CACNB1: variants seen among roughly 807,000 people sequenced by gnomAD.
CACNB1 encodes the protein calcium voltage-gated channel auxiliary subunit beta 1, also known as voltage-dependent L-type calcium channel subunit beta-1.
A neutral mutation model predicts 71.6 loss-of-function variants in CACNB1; 29 were observed. That is an observed-to-expected ratio of 0.40 (90% CI 0.30 to 0.55). The LOEUF is 0.55. Ranked by LOEUF, CACNB1 falls within the 20% of genes least tolerant of loss-of-function variation. The pLI, the probability that CACNB1 is intolerant of heterozygous loss-of-function variation, is 0.38. For synonymous variants in CACNB1, 300 were observed against 319.6 expected, an observed-to-expected ratio of 0.94 and a Z score of 0.65; for missense variants, 623 against 801.8, an observed-to-expected ratio of 0.78 and a Z score of 2.69.
In CACNB1 at chr17:39,178,009, G is replaced by A. The variant is rs759027947; in HGVS notation, c.1121C>T (p.Ser374Leu). Residue 374 changes from serine (S) to leucine (L), a missense_variant, in exon 12 of 14, where the codon TCG (serine) becomes TTG (leucine). Ser to Leu is a moderately radical substitution (Grantham distance 145). Coordinates refer to ENST00000394303, the MANE Select transcript of CACNB1 (RefSeq NM_000723.5). Reference protein sequence around the residue: ...SKHLNVQIAASEKLAQCPPEM... With the variant: ...SKHLNVQIAALEKLAQCPPEM... The stretch of plus-strand genomic sequence containing the variant: ...AGGGGGGCACTGTGCCAGCTTTTCC[G>A]AGGCCGCTATTTGGACATTGAGGTG... 9.3e-6 allele frequency: 15 copies of A among 1,613,902 alleles called. No individual in the cohort carries two copies. The highest frequency in any genetic ancestry group is 8.3e-5 in the Admixed American group (5 of 59,990).
intron 2 of CACNB1, chr17:39,193,307 C>T (rs916717752): frequency 1.2e-5 from 4 of 330,040 alleles, no homozygotes; most frequent in Non-Finnish European, 2.4e-5. Context: ...CATGTACGCG[C>T]ATACACACGC....
At chr17:39,177,221 G>A (rs1461314202) in intron 13 of CACNB1, 129 bp downstream of exon 13, 2 of 1,554,474 alleles carry the variant, frequency 1.3e-6, no homozygotes, top group Non-Finnish European at 8.7e-7. Flanking sequence ...CCCAGAGCAG[G>A]AGGGAAGACG....
At chr17:39,187,281 C>T in intron 4 of CACNB1, 198 bp downstream of exon 4, 2 of 667,350 alleles carry the variant, frequency 3.0e-6, no homozygotes, top group Non-Finnish European at 5.0e-6. Flanking sequence ...CAAACCCTCC[C>T]AACAACCTTC....
chr17:39,185,195 G>A (rs371768676), intron 6 of CACNB1, 45 bp from the exon 7 acceptor site: 3 of 1,513,642 alleles, frequency 2.0e-6, no homozygotes, highest in Non-Finnish European at 2.8e-6. Context: ...AGGAGAGAGG[G>A]AAGGGGACCC....
In CACNB1 at chr17:39,175,013, C is replaced by T; in HGVS notation, c.*180G>A. 1.6e-6 allele frequency: 1 copy of T among 611,552 alleles called. No homozygotes were observed. 37.9% of individuals were successfully genotyped at this position (611,552 alleles called of 1,614,324 possible). ...GGCAGGTAAAAACCGACAGCTGGGG[C>T]TTAAGGGCCTCCCGGGAGCTGGGAT... On this transcript the variant is annotated 3_prime_UTR_variant, in exon 14 of 14. Coordinates refer to ENST00000394303, the MANE Select transcript of CACNB1 (RefSeq NM_000723.5). The surrounding 1 kb of genome is among the most constrained non-coding windows in gnomAD (Gnocchi z 4.7).
intron 4 of CACNB1, 148 bp downstream of exon 4, chr17:39,187,331 T>G (rs2045965791): frequency 4.5e-6 from 4 of 894,362 alleles, no homozygotes; most frequent in Non-Finnish European, 6.7e-6. Context: ...AGTAGAAAAT[T>G]AAGAGGCTCA....
At chr17:39,187,728 C>G in intron 3 of CACNB1, 127 bp from the exon 4 acceptor site, 2 of 1,133,850 alleles carry the variant, frequency 1.8e-6, no homozygotes, top group East Asian at 2.5e-5. Flanking sequence ...TGTGTATGGA[C>G]ATGGGCAGGG....
At position 39,175,289 on chromosome 17, in the gene CACNB1, C is replaced by G. The variant is rs758467774; in HGVS notation, c.1701G>C (p.Arg567=). Reference sequence around the variant, plus strand: ...CCTCAGCGCAGTAGCGGGCCTTATTCCGGCCCCGGTTCCGGTTGTCGGTCA... The same window carrying G: ...CCTCAGCGCAGTAGCGGGCCTTATTGCGGCCCCGGTTCCGGTTGTCGGTCA... ...EELTDNRNRG[R]NKARYCAEGG... Residue 567 remains arginine (R), a synonymous_variant, in exon 14 of 14, where the codon CGG becomes CGC. Coordinates refer to ENST00000394303, the MANE Select transcript of CACNB1 (RefSeq NM_000723.5). The surrounding 1 kb of genome is among the most constrained non-coding windows in gnomAD (Gnocchi z 4.7). The G allele has an allele frequency of 5.6e-6, 9 of 1,614,210 alleles. No homozygotes were observed. The highest frequency in any genetic ancestry group is 3.3e-5 in the South Asian group (3 of 91,084).
At chr17:39,184,257 A>T in intron 9 of CACNB1, 68 bp downstream of exon 9, 1 of 1,300,954 alleles carries the variant, frequency 7.7e-7, no homozygotes, top group Non-Finnish European at 1.1e-6. Context: ...TTGTGATTCG[A>T]GGCATCCTGC....
In CACNB1 at chr17:39,195,117, C is replaced by T. The variant is rs545226765; in HGVS notation, c.85-147G>A. The T allele has an allele frequency of 1.1e-4, 64 of 594,258 alleles. 1 individual carries two copies. Among genetic ancestry groups the T allele is most frequent in the African/African-American group, 3.4e-4 (18 of 53,298 alleles). The allele number at this position is 594,258 out of a possible 1,614,324, so 36.8% of individuals were successfully genotyped here. On this transcript the variant is annotated intron_variant, in intron 1 of 13. Coordinates refer to ENST00000394303, the MANE Select transcript of CACNB1 (RefSeq NM_000723.5). ...CCTGCACATTCCTCCTGAGGTGGTA[C>T]GACCCAAGGGGAGGGAGGGTCTCCC... is the stretch of plus-strand genomic sequence containing the variant.
Position 39,186,425 on chromosome 17 carries a change from G to T in CACNB1, c.628+71C>A. The T allele has an allele frequency of 9.0e-7, 1 of 1,116,344 alleles. No homozygotes were observed. 69.2% of individuals were successfully genotyped at this position (1,116,344 alleles called of 1,614,324 possible). The stretch of plus-strand genomic sequence containing the variant: ...GTGTTTCCTACTGCAGGGAAAGGAG[G>T]ATTCAGGGAGTGGGGAGACCACCCC... On this transcript the variant is annotated intron_variant, in intron 6 of 13. Transcript: ENST00000394303. The surrounding 1 kb of genome is among the most constrained non-coding windows in gnomAD (Gnocchi z 4.1).
Position 39,175,096 on chromosome 17 carries a change from C to A in CACNB1, c.*97G>T. On this transcript the variant is annotated 3_prime_UTR_variant, in exon 14 of 14. Coordinates refer to ENST00000394303, the MANE Select transcript of CACNB1 (RefSeq NM_000723.5). The surrounding 1 kb of genome is among the most constrained non-coding windows in gnomAD (Gnocchi z 4.7). ...AAGGCATCTGAAAGGAGGGAGACAG[C>A]GCCCCCTGGAGGCGAATACATGTCA... 1.0e-6 allele frequency: 1 copy of A among 1,004,022 alleles called. No homozygotes were observed. The highest frequency in any genetic ancestry group is 1.6e-5 in the South Asian group (1 of 64,466). The allele number at this position is 1,004,022 out of a possible 1,614,324, so 62.2% of individuals were successfully genotyped here. A position where few individuals can be genotyped will look rare whatever the true frequency, so the allele number is the denominator to read the frequency against.
chr17:39,190,418 T>C (rs1196611920), intron 3 of CACNB1, among the ~76,000 whole-genome samples: 3 of 151,960 alleles, frequency 2.0e-5, no homozygotes, highest in African/African-American at 7.3e-5. Flanking sequence ...ATAATAAATA[T>C]TTAAATTTAT....
At position 39,196,504 on chromosome 17, in the gene CACNB1, T is replaced by A. The variant is rs114932700; in HGVS notation, c.84+908A>T. Among the ~76,000 whole-genome samples the A allele has an allele frequency of 9.1e-4, 139 of 152,202 alleles. 1 individual carries two copies. Among genetic ancestry groups the A allele is most frequent in the African/African-American group, 3.1e-3 (129 of 41,522 alleles). ...TACATACCCATCAGTCACATTATCA[T>A]GGTGGTTACAGCTGGTGGCCACAGT... On this transcript the variant is annotated intron_variant, in intron 1 of 13. Transcript: ENST00000394303.
In CACNB1 at chr17:39,177,471, T is replaced by A. The variant is rs1484287365; in HGVS notation, c.1211A>T (p.Tyr404Phe). The change falls in exon 13 of 14, where the codon TAC (tyrosine) becomes TTC (phenylalanine). Residue 404 changes from tyrosine to phenylalanine, a missense_variant. Tyr to Phe is a conservative substitution (Grantham distance 22). Transcript: ENST00000394303. ...TGTGGCCTTCCAATAGGCTTCCAAGTACTCCGCCAGATGCTCGCAGGCATC... is the reference window on the plus strand; with the variant it reads ...TGTGGCCTTCCAATAGGCTTCCAAGAACTCCGCCAGATGCTCGCAGGCATC... The part of the protein sequence containing the change: ...LEDACEHLAE[Y>F]LEAYWKATHP... 6.2e-7 allele frequency: 1 copy of A among 1,611,568 alleles called. No individual in the cohort carries two copies. The highest frequency in any genetic ancestry group is 8.5e-7 in the Non-Finnish European group (1 of 1,178,108).
chr17:39,175,513 C>A lies in CACNB1; in HGVS notation c.1477G>T (p.Ala493Ser). 6.2e-7 allele frequency: 1 copy of A among 1,613,902 alleles called. No individual in the cohort carries two copies. ...HPPGRAGTLR[A>S]LSRQDTFDAD... is the part of the protein sequence containing the mutation. ...TCAAAAGTGTCTTGGCGGGACAGTG[C>A]CCGTAGCGTGCCTGCCCGGCCTGGT... The change falls in exon 14 of 14, where the codon GCA (alanine) becomes TCA (serine). Residue 493 changes from alanine (A) to serine (S), a missense_variant. Transcript: ENST00000394303. This position sits in a 1 kb window ranked among gnomAD's most constrained non-coding sequence, Gnocchi z 4.7.
At chr17:39,176,160 C>T (rs144766095) in intron 13 of CACNB1, among the ~76,000 whole-genome samples, 1 of 152,346 alleles carries the variant, frequency 6.6e-6, no homozygotes, top group Non-Finnish European at 1.5e-5. Context: ...CCCACCATTC[C>T]CTAGTCGGAT....
At chr17:39,183,237 T>A (rs530149853) in intron 11 of CACNB1, among the ~76,000 whole-genome samples, 4 of 151,602 alleles carry the variant, frequency 2.6e-5, no homozygotes, top group Non-Finnish European at 5.9e-5. Flanking sequence ...GAGGCCGAGG[T>A]GGGTGGATTG....
chr17:39,181,458 C>T (rs1411098453), intron 11 of CACNB1, among the ~76,000 whole-genome samples: 4 of 152,132 alleles, frequency 2.6e-5, no homozygotes, highest in African/African-American at 7.2e-5. Flanking sequence ...TATGCCTATG[C>T]TGCAGATGAG....
Sources: allele counts gnomAD v4.1 joint callset (sites outside exome capture counted in the v4.1 genomes callset), GRCh38; gene constraint gnomAD v4.1.1; non-coding constraint Gnocchi (gnomAD v3.1); transcripts MANE v1.5; gene names NCBI Gene and HGNC (gene_info 2026-07-23, HGNC 2026-07-21).